Variants in APOO observed in about 807,000 individuals in gnomAD.
APOO encodes the protein apolipoprotein O.
APOO carries 11 observed loss-of-function variants against 23.1 expected under a neutral mutation model. That is an observed-to-expected ratio of 0.48 (90% CI 0.30 to 0.79). The LOEUF (loss-of-function observed/expected upper bound fraction) is 0.79, where lower values mean the gene tolerates loss of function less well. Ranked by LOEUF, APOO falls within the 30% of genes least tolerant of loss-of-function variation. The pLI is 0.07. For missense variants in APOO, 160 were observed against 142.7 expected, an observed-to-expected ratio of 1.12 and a Z score of -0.62; for synonymous variants, 59 against 54.8, an observed-to-expected ratio of 1.08 and a Z score of -0.34.
chrX:23,894,870 T>C (rs1389194351), intron 1 of APOO, among the ~76,000 whole-genome samples: 1 of 110,037 alleles, frequency 9.1e-6, no homozygotes, highest in Non-Finnish European at 1.9e-5. Context: ...ATGGGCCGGA[T>C]TCGGTGGCTC....
intron 1 of APOO, chrX:23,883,841 C>T (rs1195897836): frequency 1.8e-5 from 2 of 112,118 alleles, no homozygotes; most frequent in East Asian, 5.6e-4. Flanking sequence ...GGGTTTTGAG[C>T]AGTGGGGCAC....
At chrX:23,842,160 G>A (rs1262444798) in intron 7 of APOO, among the ~76,000 whole-genome samples, 3 of 111,380 alleles carry the variant, frequency 2.7e-5, no homozygotes, top group East Asian at 2.8e-4. Flanking sequence ...AGGCCGAGGC[G>A]GGTGGATCAC....
At chrX:23,859,982 T>C (rs1168450957) in intron 5 of APOO, among the ~76,000 whole-genome samples, 1 of 111,240 alleles carries the variant, frequency 9.0e-6, no homozygotes, top group Non-Finnish European at 1.9e-5. Context: ...CTCCCCTTTC[T>C]GCAACCCCGT....
intron 6 of APOO, 93 bp from the exon 7 acceptor site, chrX:23,856,475 T>C: frequency 1.5e-6 from 1 of 688,518 alleles, no homozygotes; most frequent in Non-Finnish European, 2.2e-6. Context: ...ACTATAAAGA[T>C]ATATGCATGC....
At chrX:23,850,349 C>A (rs1212481479) in intron 7 of APOO, among the ~76,000 whole-genome samples, 1 of 111,789 alleles carries the variant, frequency 8.9e-6, no homozygotes, top group Non-Finnish European at 1.9e-5. Context: ...TCTTTTAAAG[C>A]CATCACACTG....
At chrX:23,840,443 T>A in intron 7 of APOO, 66 bp from the exon 8 acceptor site, 1 of 1,004,847 alleles carries the variant, frequency 1.0e-6, no homozygotes, top group Non-Finnish European at 1.4e-6. Flanking sequence ...CTTAGTGTCC[T>A]GAGTATTTGG....
At chrX:23,888,202 G>A (rs1203639102) in intron 1 of APOO, among the ~76,000 whole-genome samples, 2 of 112,155 alleles carry the variant, frequency 1.8e-5, no homozygotes, top group Non-Finnish European at 3.8e-5. Flanking sequence ...TGGAAACAGA[G>A]CAACCAGTAT....
chrX:23,880,058 GTTT>G (rs770501178), intron 2 of APOO, among the ~76,000 whole-genome samples: 1 of 98,840 alleles, frequency 1.0e-5, no homozygotes. Context: ...AAGATTTCTT[GTTT>G]TTTTTTTTTT....
chrX:23,861,420 G>A (rs143871232), intron 5 of APOO, among the ~76,000 whole-genome samples: 1,776 of 109,894 alleles, frequency 0.016, 46 homozygotes, highest in African/African-American at 0.055. Flanking sequence ...AAGCCGAGGA[G>A]ATGCTGGTGC....
chrX:23,842,868 C>T (rs1344734453), intron 7 of APOO, among the ~76,000 whole-genome samples: 1 of 111,340 alleles, frequency 9.0e-6, no homozygotes, highest in African/African-American at 3.3e-5. Context: ...ATTAGCAGGG[C>T]ATGGTGGCGC....
At chrX:23,878,840 C>A in intron 3 of APOO, 75 bp downstream of exon 3, 1 of 1,093,674 alleles carries the variant, frequency 9.1e-7, no homozygotes, top group Non-Finnish European at 1.2e-6. Flanking sequence ...TTTCCAAAAA[C>A]ATGCAGCCAA....
In APOO at chrX:23,880,907, A is replaced by C. The variant is rs137876219; in HGVS notation, c.55T>G (p.Phe19Val). 1.6e-3 allele frequency: 1,894 copies of C among 1,187,537 alleles called. No individual in the cohort carries two copies. The highest frequency in any genetic ancestry group is 2.1e-3 in the Non-Finnish European group (1,818 of 886,091). Reference sequence around the variant, plus strand: ...TTTTTTGGTGCTGCATAGACTTTGAAGGTGAGCAAGCTCAGGCTGGCTGGC... The same window carrying C: ...TTTTTTGGTGCTGCATAGACTTTGACGGTGAGCAAGCTCAGGCTGGCTGGC... ...VGPASLSLLT[F>V]KVYAAPKKDS... The change falls in exon 2 of 9, where the codon TTC (phenylalanine) becomes GTC (valine). Residue 19 changes from phenylalanine (F) to valine (V), a missense_variant. Transcript: ENST00000379226.
intron 2 of APOO, among the ~76,000 whole-genome samples, chrX:23,880,008 T>C (rs1290967375): frequency 1.8e-5 from 2 of 110,148 alleles, no homozygotes; most frequent in South Asian, 3.8e-4. Context: ...AAATAATTAG[T>C]GGGAAGTACA....
In APOO at chrX:23,907,724, G is replaced by C; in HGVS notation, c.-22C>G. The stretch of plus-strand genomic sequence containing the variant: ...ACATGTCGCTGGCAGCGGAGGCTCC[G>C]GCAGGGTCACCCCGGCCTCGGCCAC... On this transcript the variant is annotated 5_prime_UTR_variant, in exon 1 of 9. Coordinates refer to ENST00000379226, the MANE Select transcript of APOO (RefSeq NM_024122.5). 8.6e-7 allele frequency: 1 copy of C among 1,160,386 alleles called. No homozygotes were observed. The highest frequency in any genetic ancestry group is 2.0e-5 in the South Asian group (1 of 51,064).
chrX:23,849,233 C>T (rs1020909600), intron 7 of APOO, among the ~76,000 whole-genome samples: 2 of 108,918 alleles, frequency 1.8e-5, no homozygotes, highest in East Asian at 2.9e-4. Context: ...CCACTGCGCC[C>T]GGCCAATATC....
At chrX:23,842,736 T>C (rs770536533) in intron 7 of APOO, among the ~76,000 whole-genome samples, 1 of 111,109 alleles carries the variant, frequency 9.0e-6, no homozygotes, top group Non-Finnish European at 1.9e-5. Flanking sequence ...CGGCAGGGCG[T>C]GGTGGCTCAC....
intron 7 of APOO, among the ~76,000 whole-genome samples, chrX:23,850,151 C>T (rs1358069580): frequency 1.8e-5 from 2 of 111,941 alleles, no homozygotes; most frequent in African/African-American, 3.2e-5. Context: ...AAAATATACT[C>T]GTGTGTATGA....
chrX:23,877,856 TTA>T (rs1246931236), intron 3 of APOO, among the ~76,000 whole-genome samples: 1 of 111,811 alleles, frequency 8.9e-6, no homozygotes, highest in African/African-American at 3.2e-5. Flanking sequence ...TCTACATCTA[TTA>T]GTTTTTATTA....
intron 4 of APOO, among the ~76,000 whole-genome samples, chrX:23,871,362 C>CAA (rs750866169): frequency 1.8e-5 from 1 of 56,302 alleles, no homozygotes; most frequent in East Asian, 6.6e-4. Context: ...GACTCCGTCT[C>CAA]AAAAAAAAAA....
Sources: allele counts gnomAD v4.1 joint callset (sites outside exome capture counted in the v4.1 genomes callset), GRCh38; gene constraint gnomAD v4.1.1; transcripts MANE v1.5; gene names NCBI Gene and HGNC (gene_info 2026-07-23, HGNC 2026-07-21).